The following PKD1L3 variants were observed in gnomAD, a reference collection of about 807,000 sequenced individuals.
PKD1L3 encodes polycystin 1 like 3, transient receptor potential channel interacting.
Under a neutral mutation model 184.1 loss-of-function variants are expected in PKD1L3, and 239 were observed. That is an observed-to-expected ratio of 1.30 (90% CI 1.17 to 1.45). The LOEUF (loss-of-function observed/expected upper bound fraction) is 1.45, where lower values mean the gene tolerates loss of function less well. Among genes scored for constraint, PKD1L3 ranks in the 40% most tolerant of loss-of-function variants. PKD1L3 has a pLI of 0.00. For synonymous variants in PKD1L3, 996 were observed against 778.8 expected, an observed-to-expected ratio of 1.28 and a Z score of -4.64; for missense variants, 2,660 against 2,067.2, an observed-to-expected ratio of 1.29 and a Z score of -5.56.
In PKD1L3 at chr16:71,942,750, C is replaced by T; in HGVS notation, c.4134G>A (p.Val1378=). The change falls in exon 24 of 30, where the codon GTG becomes GTA. Residue 1378 remains valine, a synonymous_variant. Transcript: ENST00000620267. ...CACAAAACGCCAGCTGACCTTCGTCCACTTTCTCATAGGTCTTGGTACGGG... is the reference window on the plus strand; with the variant it reads ...CACAAAACGCCAGCTGACCTTCGTCTACTTTCTCATAGGTCTTGGTACGGG... ...QIPRTKTYEK[V]DEGQLAFCDN... is the part of the protein sequence containing the mutation. 6.4e-7 allele frequency: 1 copy of T among 1,551,686 alleles called. No individual in the cohort carries two copies. Among genetic ancestry groups the T allele is most frequent in the Non-Finnish European group, 8.7e-7 (1 of 1,146,996 alleles).
In PKD1L3 at chr16:71,933,515, G is replaced by T. The variant is rs1403676720; in HGVS notation, c.4831C>A (p.Leu1611Met). ...LLTGYAIAFN[L>M]LFGCSISDYR... is the part of the protein sequence containing the mutation. ...TCAGAGATGCTGCATCCAAACAGCA[G>T]GTTAAACTGAACAGAAGGAGAAAGG... Residue 1611 changes from leucine to methionine, a missense_variant, in exon 28 of 30, where the codon CTG becomes ATG. Physicochemically the swap from Leu to Met is conservative, Grantham distance 15. Transcript: ENST00000620267. The T allele has an allele frequency of 8.4e-6, 13 of 1,549,970 alleles. No homozygotes were observed. Among genetic ancestry groups the T allele is most frequent in the Non-Finnish European group, 1.1e-5 (13 of 1,145,320 alleles).
At chr16:71,977,113 T>C (rs2039956049) in intron 11 of PKD1L3, 123 bp downstream of exon 11, 8 of 748,382 alleles carry the variant, frequency 1.1e-5, no homozygotes, top group Non-Finnish European at 1.8e-5. Flanking sequence ...CTTAAGAGGC[T>C]AAGGCAGGAG....
chr16:71,961,569 AGGTGC>A (rs2039280972), intron 16 of PKD1L3, among the ~76,000 whole-genome samples: 5 of 150,452 alleles, frequency 3.3e-5, no homozygotes, highest in Admixed American at 2.7e-4. Context: ...AGCCATACAT[AGGTGC>A]TTTGTTGACA....
chr16:71,932,313 C>T (rs956604764), intron 28 of PKD1L3, among the ~76,000 whole-genome samples: 2 of 152,144 alleles, frequency 1.3e-5, no homozygotes, highest in Non-Finnish European at 2.9e-5. Flanking sequence ...CCCAGTGCCT[C>T]ATTTGGGTTT....
chr16:71,981,910 T>A, intron 7 of PKD1L3, 149 bp downstream of exon 7: 2 of 870,394 alleles, frequency 2.3e-6, no homozygotes, highest in Non-Finnish European at 3.3e-6. Flanking sequence ...GAGGGAGACC[T>A]TGGAGAAGGC....
At chr16:71,993,407 T>C (rs546477246) in intron 2 of PKD1L3, 75 bp from the exon 3 acceptor site, 23 of 904,980 alleles carry the variant, frequency 2.5e-5, no homozygotes, top group African/African-American at 1.2e-4. Context: ...CATCATTACA[T>C]GCACGTATGT....
At chr16:71,951,525 C>A in intron 19 of PKD1L3, 39 bp downstream of exon 19, 1 of 1,517,038 alleles carries the variant, frequency 6.6e-7, no homozygotes, top group Non-Finnish European at 8.9e-7. Flanking sequence ...GAGTGGGAGG[C>A]AGATGGAAGA....
chr16:71,984,378 C>T (rs972935953), intron 5 of PKD1L3, among the ~76,000 whole-genome samples: 15 of 152,092 alleles, frequency 9.9e-5, no homozygotes, highest in East Asian at 1.9e-4. Flanking sequence ...AAATGAATAA[C>T]GAGATTATAT....
chr16:71,998,327 C>G lies in PKD1L3; in HGVS notation c.363G>C (p.Arg121=), dbSNP rs750368000. The change falls in exon 2 of 30, where the codon CGG becomes CGC. Residue 121 remains arginine, a synonymous_variant. Coordinates refer to ENST00000620267, the MANE Select transcript of PKD1L3 (RefSeq NM_181536.2). ...SCTYLSRNFI[R]ISSKGDKCLL... is the part of the protein sequence containing the mutation. ...AGCACTTGTCCCCTTTGGATGAGAT[C>G]CGAATGAAGTTTCTGGACAGGTAGG... The G allele has an allele frequency of 1.9e-6, 3 of 1,552,098 alleles. No homozygotes were observed. Among genetic ancestry groups the G allele is most frequent in the African/African-American group, 2.7e-5 (2 of 73,162 alleles).
At position 71,967,244 on chromosome 16, in the gene PKD1L3, G is replaced by C. The variant is rs574186947; in HGVS notation, c.2358C>G (p.Val786=). 5 of 1,551,672 alleles carry C rather than the reference G, an allele frequency of 3.2e-6. No individual in the cohort carries two copies. In the African/African-American group the frequency reaches 6.8e-5, roughly 21 times the overall value. Residue 786 remains valine (V), a synonymous_variant, in exon 15 of 30, where the codon GTC becomes GTG. Transcript: ENST00000620267. Reference sequence around the variant, plus strand: ...AGACATCCAGGCCCCCTCGTTCAAAGACTGTCTTCTGGGGGTCACAGAGGT... The same window carrying C: ...AGACATCCAGGCCCCCTCGTTCAAACACTGTCTTCTGGGGGTCACAGAGGT... ...PHHLCDPQKT[V]FERGGLDVFL...
rs1259659426 is a variant in PKD1L3 at position 71,986,372 on chromosome 16, G to C, written c.683C>G (p.Pro228Arg). 11 of 1,551,308 alleles carry C rather than the reference G, an allele frequency of 7.1e-6. No individual in the cohort carries two copies. Among genetic ancestry groups the C allele is most frequent in the Non-Finnish European group, 9.6e-6 (11 of 1,146,502 alleles). Residue 228 changes from proline to arginine, a missense_variant, in exon 5 of 30, where the codon CCT (proline) becomes CGT (arginine). Physicochemically the swap from Pro to Arg is moderately radical, Grantham distance 103. Coordinates refer to ENST00000620267, the MANE Select transcript of PKD1L3 (RefSeq NM_181536.2). ...GGTGAGCTGTGTTATCACAGGGAGA[G>C]GCTGGCTGCTGGGTTCAGATGCGGC... Reference protein sequence around the residue: ...TSAASEPSSQPLPVITQLTMP... With the variant: ...TSAASEPSSQRLPVITQLTMP...
At chr16:71,963,514 A>G (rs1402979838) in intron 15 of PKD1L3, among the ~76,000 whole-genome samples, 163 bp from the exon 16 acceptor site, 1 of 152,214 alleles carries the variant, frequency 6.6e-6, no homozygotes, top group Non-Finnish European at 1.5e-5. Context: ...AGACATGGTG[A>G]TGCACACCTA....
intron 28 of PKD1L3, among the ~76,000 whole-genome samples, chr16:71,932,820 T>C (rs1161584277): frequency 7.6e-6 from 1 of 131,982 alleles, no homozygotes; most frequent in Admixed American, 8.6e-5. Context: ...TAAATAGACA[T>C]AGGGTCTGGA....
chr16:71,982,060 G>A lies in PKD1L3; in HGVS notation c.1142C>T (p.Pro381Leu), dbSNP rs755451898. Reference sequence around the variant, plus strand: ...GCCACCTGCATATCTGGCACCTACCGGCTCAGTATGACGCTTGGATTCCAG... The same window carrying A: ...GCCACCTGCATATCTGGCACCTACCAGCTCAGTATGACGCTTGGATTCCAG... Reference protein sequence around the residue: ...SWLESKRHTEPVEDILEMSLV... With the variant: ...SWLESKRHTELVEDILEMSLV... The change falls in exon 7 of 30, where the codon CCG becomes CTG. Residue 381 changes from proline (P) to leucine (L), a missense_variant and splice_region_variant. Coordinates refer to ENST00000620267, the MANE Select transcript of PKD1L3 (RefSeq NM_181536.2). 75 of 1,541,984 alleles carry A rather than the reference G, an allele frequency of 4.9e-5. No homozygotes were observed. The Admixed American group carries it at 1.2e-3, about 24-fold the overall frequency.
At position 71,951,468 on chromosome 16, in the gene PKD1L3, C is replaced by G. The variant is rs1449593223; in HGVS notation, c.3190+96G>C. The G allele has an allele frequency of 6.4e-6, 8 of 1,257,552 alleles. No homozygotes were observed. In the East Asian group the frequency reaches 1.3e-4, roughly 20 times the overall value. The allele number at this position is 1,257,552 out of a possible 1,614,324, so 77.9% of individuals were successfully genotyped here. On this transcript the variant is annotated intron_variant, in intron 19 of 29. Transcript: ENST00000620267. ...AATTAAAACAACCAGAAGGTTGTAT[C>G]AGGCCTGTCGGTTATGAATGAGTAA...
intron 16 of PKD1L3, among the ~76,000 whole-genome samples, chr16:71,961,424 C>G (rs1339925998): frequency 6.6e-6 from 1 of 152,080 alleles, no homozygotes; most frequent in African/African-American, 2.4e-5. Context: ...TACCTTGGCC[C>G]TTCTCCTTGA....
chr16:71,961,144 G>C (rs1331454665), intron 16 of PKD1L3, among the ~76,000 whole-genome samples: 1 of 151,290 alleles, frequency 6.6e-6, no homozygotes, highest in African/African-American at 2.4e-5. Flanking sequence ...GTTTTGTTTT[G>C]AGATGGAGTC....
chr16:71,978,737 G>C (rs994478119), intron 9 of PKD1L3, among the ~76,000 whole-genome samples: 2 of 151,094 alleles, frequency 1.3e-5, no homozygotes, highest in Non-Finnish European at 1.5e-5. Flanking sequence ...ACAGGGTTTC[G>C]CTATGTTGGC....
At chr16:71,961,993 C>T (rs934639284) in intron 16 of PKD1L3, among the ~76,000 whole-genome samples, 1 of 152,146 alleles carries the variant, frequency 6.6e-6, no homozygotes, top group Non-Finnish European at 1.5e-5. Flanking sequence ...GGCTGTATCT[C>T]GGCTCACTGC....
Sources: allele counts gnomAD v4.1 joint callset (sites outside exome capture counted in the v4.1 genomes callset), GRCh38; gene constraint gnomAD v4.1.1; transcripts MANE v1.5; gene names NCBI Gene and HGNC (gene_info 2026-07-23, HGNC 2026-07-21).